The following L1TD1 variants were observed in gnomAD, a reference collection of about 807,000 sequenced individuals.
L1TD1 encodes LINE1 type transposase domain containing 1, also known as LINE-1 type transposase domain-containing protein 1.
A neutral mutation model predicts 25.7 loss-of-function variants in L1TD1; 26 were observed. That is an observed-to-expected ratio of 1.01 (90% CI 0.74 to 1.40). L1TD1 has a LOEUF of 1.40. Among genes scored for constraint, L1TD1 ranks in the 40% most tolerant of loss-of-function variants. The pLI is 0.00. For missense variants in L1TD1, 1,130 were observed against 975.0 expected (o/e 1.16, Z -2.12); for synonymous variants, 421 against 335.6 (o/e 1.25, Z -2.78).
Position 62,211,655 on chromosome 1 carries a change from G to T in L1TD1, c.*283G>T, listed in dbSNP as rs1340994812. On this transcript the variant is annotated 3_prime_UTR_variant, in exon 4 of 4. Transcript: ENST00000498273. Reference sequence around the variant, plus strand: ...CCCCCACCACCTCCCTACTGCAGTTGACTAGTCTTTTTAGAATTTATATTA... The same window carrying T: ...CCCCCACCACCTCCCTACTGCAGTTTACTAGTCTTTTTAGAATTTATATTA... 7.2e-6 allele frequency: 2 copies of T among 276,786 alleles called. No individual in the cohort carries two copies. Among genetic ancestry groups the T allele is most frequent in the Non-Finnish European group, 1.3e-5 (2 of 152,090 alleles). The allele number at this position is 276,786 out of a possible 1,614,324, so 17.1% of individuals were successfully genotyped here. A position where few individuals can be genotyped will look rare whatever the true frequency, so the allele number is the denominator to read the frequency against.
intron 2 of L1TD1, among the ~76,000 whole-genome samples, chr1:62,204,237 C>T (rs6684320): frequency 0.016 from 2,439 of 152,040 alleles, 59 homozygotes; most frequent in African/African-American, 0.056. Context: ...CTTTGATTTG[C>T]GCGCATCTCT....
intron 2 of L1TD1, among the ~76,000 whole-genome samples, chr1:62,205,807 C>T (rs1670734439): frequency 1.3e-5 from 2 of 152,244 alleles, no homozygotes; most frequent in South Asian, 4.1e-4. Flanking sequence ...TCACAGCTCA[C>T]TGCAGTCTTA....
chr1:62,206,979 G>GA lies in L1TD1; in HGVS notation c.355dup (p.Ile119AsnfsTer7), dbSNP rs1285463849. ...CATTACAAAAAACAGGGATGGTAGG[G>GA]AAAATAGAAGGAGAAAACTCTAAAA... is the stretch of plus-strand genomic sequence containing the variant. On this transcript the variant is annotated frameshift_variant, in exon 3 of 4. Transcript: ENST00000498273. LOFTEE classifies it high-confidence loss of function. 1.5e-5 allele frequency: 24 copies of GA among 1,613,008 alleles called. No homozygotes were observed. The highest frequency in any genetic ancestry group is 1.6e-5 in the Non-Finnish European group (19 of 1,179,790).
In L1TD1 at chr1:62,210,848, GAT is replaced by G. The variant is rs775264428; in HGVS notation, c.2078_2079del (p.Ile693ArgfsTer5). On this transcript the variant is annotated frameshift_variant, in exon 4 of 4. Transcript: ENST00000498273. LOFTEE classifies it low-confidence loss of function (END_TRUNC). ...KQIISKERQR[D>X]IEERSRSCNI... ...GATAATTAGTAAAGAAAGGCAAAGA[GAT>G]ATAGAGGAGAGATCTAGAAGTTGCA... 25 of 1,549,900 alleles carry G rather than the reference GAT, an allele frequency of 1.6e-5. No homozygotes were observed. Among genetic ancestry groups the G allele is most frequent in the Admixed American group, 5.9e-5 (3 of 50,580 alleles).
At position 62,210,679 on chromosome 1, in the gene L1TD1, G is replaced by T; in HGVS notation, c.1905G>T (p.Leu635Phe). 1.3e-6 allele frequency: 2 copies of T among 1,554,414 alleles called. No homozygotes were observed. The highest frequency in any genetic ancestry group is 2.4e-5 in the South Asian group (2 of 84,462). Residue 635 changes from leucine to phenylalanine, a missense_variant, in exon 4 of 4, where the codon TTG becomes TTT. By Grantham distance (22) the Leu-to-Phe change is conservative. Coordinates refer to ENST00000498273, the MANE Select transcript of L1TD1 (RefSeq NM_019079.5). ...IREIKEEIGN[L>F]KSSHSGVLEI... ...AGATAAAAGAGGAGATTGGAAATTT[G>T]AAAAGTTCCCATTCAGGTGTCTTGG... is the stretch of plus-strand genomic sequence containing the variant.
rs756508301 is a variant in L1TD1 at position 62,212,289 on chromosome 1, CATG to C, written c.*921_*923del. The C allele has an allele frequency of 6.7e-6, 1 of 148,454 alleles. No homozygotes were observed. The highest frequency in any genetic ancestry group is 1.5e-5 in the Non-Finnish European group (1 of 66,696). The allele number at this position is 148,454 out of a possible 1,614,324, so 9.2% of individuals were successfully genotyped here. ...TATTTCACAAGTTTGTATCATTTGTCATGATGTGACTCGAATATATTAAATCTT... is the reference window on the plus strand; with the variant it reads ...TATTTCACAAGTTTGTATCATTTGTCATGTGACTCGAATATATTAAATCTT... On this transcript the variant is annotated 3_prime_UTR_variant, in exon 4 of 4. Coordinates refer to ENST00000498273, the MANE Select transcript of L1TD1 (RefSeq NM_019079.5).
At chr1:62,202,746 C>A (rs1444951615) in intron 2 of L1TD1, among the ~76,000 whole-genome samples, 1 of 143,192 alleles carries the variant, frequency 7.0e-6, no homozygotes, top group Non-Finnish European at 1.5e-5. Flanking sequence ...GGCAATGGCA[C>A]GATCCCAGCT....
chr1:62,199,112 A>G (rs763590875), intron 2 of L1TD1, among the ~76,000 whole-genome samples: 57 of 152,304 alleles, frequency 3.7e-4, no homozygotes, highest in Non-Finnish European at 6.5e-4. Context: ...GTGCCTGGGT[A>G]GTGTCTGGCT....
At position 62,207,166 on chromosome 1, in the gene L1TD1, AAT is replaced by A; in HGVS notation, c.542_543del (p.Ile181ArgfsTer2). Reference sequence around the variant, plus strand: ...GGGAAGTATGGAAGAAACCTTATGCAATATAGATGACAGAGATGGAAATCGCA... The same window carrying A: ...GGGAAGTATGGAAGAAACCTTATGCAATAGATGACAGAGATGGAAATCGCA... ...VMGSMEETLC[N>X]IDDRDGNRNV... On this transcript the variant is annotated frameshift_variant, in exon 3 of 4. Transcript: ENST00000498273. LOFTEE classifies it high-confidence loss of function. 2 of 1,557,052 alleles carry A rather than the reference AAT, an allele frequency of 1.3e-6. No homozygotes were observed. Among genetic ancestry groups the A allele is most frequent in the Non-Finnish European group, 1.7e-6 (2 of 1,149,382 alleles).
chr1:62,211,227 G>C lies in L1TD1; in HGVS notation c.2453G>C (p.Gly818Ala), dbSNP rs1480439649. 3 of 1,566,350 alleles carry C rather than the reference G, an allele frequency of 1.9e-6. No homozygotes were observed. The highest frequency in any genetic ancestry group is 1.9e-5 in the Admixed American group (1 of 51,926). ...GTCTTCAAAGTTCTGCTGGAAAAAG[G>C]CTTTAATCCTAGAATCCTATATCCA... ...SNVFKVLLEK[G>A]FNPRILYPAK... The change falls in exon 4 of 4, where the codon GGC becomes GCC. Residue 818 changes from glycine (G) to alanine (A), a missense_variant. Gly to Ala is a moderately conservative substitution (Grantham distance 60). Coordinates refer to ENST00000498273, the MANE Select transcript of L1TD1 (RefSeq NM_019079.5).
In L1TD1 at chr1:62,207,030, C is replaced by A; in HGVS notation, c.402C>A (p.Thr134=). ...TAGGTGATGATAATGAAAATTTAACCTTTAAATTAGAAGTAAATGAGCTGA... is the reference window on the plus strand; with the variant it reads ...TAGGTGATGATAATGAAAATTTAACATTTAAATTAGAAGTAAATGAGCTGA... ...SKIGDDNENL[T]FKLEVNELSG... Residue 134 remains threonine (T), a synonymous_variant, in exon 3 of 4, where the codon ACC becomes ACA. Coordinates refer to ENST00000498273, the MANE Select transcript of L1TD1 (RefSeq NM_019079.5). The A allele has an allele frequency of 1.2e-6, 2 of 1,613,346 alleles. No homozygotes were observed. Among genetic ancestry groups the A allele is most frequent in the Middle Eastern group, 3.3e-4 (2 of 6,060 alleles).
chr1:62,202,669 A>ATTTTTTTT (rs35815437), intron 2 of L1TD1, among the ~76,000 whole-genome samples: 1 of 71,862 alleles, frequency 1.4e-5, no homozygotes, highest in Non-Finnish European at 2.5e-5. Flanking sequence ...CCAGGGTTTA[A>ATTTTTTTT]TTTTTTTTTT....
At chr1:62,205,725 C>T (rs1484325377) in intron 2 of L1TD1, among the ~76,000 whole-genome samples, 2 of 151,802 alleles carry the variant, frequency 1.3e-5, no homozygotes, top group Non-Finnish European at 2.9e-5. Flanking sequence ...GCCACTGTGC[C>T]TGCCTAACAA....
At position 62,206,959 on chromosome 1, in the gene L1TD1, C is replaced by T. The variant is rs376310235; in HGVS notation, c.331C>T (p.Gln111Ter). Residue 111 changes from glutamine (Q) to a stop codon, truncating the protein, a stop_gained, in exon 3 of 4, where the codon CAA (glutamine) becomes TAA (stop). Transcript: ENST00000498273. LOFTEE classifies it high-confidence loss of function. The stretch of plus-strand genomic sequence containing the variant: ...TCAGCAAATAATCAATTTAGCATTA[C>T]AAAAAACAGGGATGGTAGGGAAAAT... ...EFQQIINLAL[Q>*]KTGMVGKIEG... 1.9e-6 allele frequency: 3 copies of T among 1,612,776 alleles called. No homozygotes were observed. The highest frequency in any genetic ancestry group is 1.3e-5 in the African/African-American group (1 of 74,828).
rs1670729223 is a variant in L1TD1 at position 62,205,505 on chromosome 1, C to T, written c.-110-1014C>T. On this transcript the variant is annotated intron_variant, in intron 2 of 3. Coordinates refer to ENST00000498273, the MANE Select transcript of L1TD1 (RefSeq NM_019079.5). ...GCAGTTCAGTGGCTTGAACTTGGCT[C>T]ACTGAAACCTCTGCCTCCCAGGTTC... Among the ~76,000 whole-genome samples the T allele has an allele frequency of 2.1e-5, 3 of 145,080 alleles. No homozygotes were observed. The South Asian group carries it at 6.8e-4, about 33-fold the overall frequency.
At position 62,211,222 on chromosome 1, in the gene L1TD1, A is replaced by G; in HGVS notation, c.2448A>G (p.Glu816=). ...GCAATGTCTTCAAAGTTCTGCTGGA[A>G]AAAGGCTTTAATCCTAGAATCCTAT... is the stretch of plus-strand genomic sequence containing the variant. ...KWSNVFKVLL[E]KGFNPRILYP... is the part of the protein sequence containing the mutation. The change falls in exon 4 of 4, where the codon GAA becomes GAG. Residue 816 remains glutamate, a synonymous_variant. Coordinates refer to ENST00000498273, the MANE Select transcript of L1TD1 (RefSeq NM_019079.5). 6.4e-7 allele frequency: 1 copy of G among 1,562,550 alleles called. No individual in the cohort carries two copies. Among genetic ancestry groups the G allele is most frequent in the Non-Finnish European group, 8.7e-7 (1 of 1,152,746 alleles).
In L1TD1 at chr1:62,211,005, G is replaced by C. The variant is rs1670856872; in HGVS notation, c.2231G>C (p.Cys744Ser). ...TCAAGTCTTGAGATTGTCAGTGCTT[G>C]TCGAGTACCTAGTAAAATTGATGAA... Reference protein sequence around the residue: ...KGSSLEIVSACRVPSKIDEKR... With the variant: ...KGSSLEIVSASRVPSKIDEKR... The change falls in exon 4 of 4, where the codon TGT (cysteine) becomes TCT (serine). Residue 744 changes from cysteine (C) to serine (S), a missense_variant. Transcript: ENST00000498273. 7 of 1,546,440 alleles carry C rather than the reference G, an allele frequency of 4.5e-6. No homozygotes were observed. Among genetic ancestry groups the C allele is most frequent in the Non-Finnish European group, 6.1e-6 (7 of 1,145,854 alleles).
At chr1:62,196,048 AAAGT>A (rs1193164962) in intron 1 of L1TD1, among the ~76,000 whole-genome samples, 2 of 152,158 alleles carry the variant, frequency 1.3e-5, no homozygotes, top group South Asian at 2.1e-4. Context: ...AAAAAAAAAA[AAAGT>A]GTTTAATTAT....
At position 62,209,971 on chromosome 1, in the gene L1TD1, T is replaced by TA; in HGVS notation, c.1198dup (p.Thr400AsnfsTer29). 1.2e-6 allele frequency: 2 copies of TA among 1,608,746 alleles called. No individual in the cohort carries two copies. Among genetic ancestry groups the TA allele is most frequent in the Non-Finnish European group, 1.7e-6 (2 of 1,177,602 alleles). On this transcript the variant is annotated frameshift_variant, in exon 4 of 4. Coordinates refer to ENST00000498273, the MANE Select transcript of L1TD1 (RefSeq NM_019079.5). LOFTEE classifies it low-confidence loss of function (END_TRUNC). ...CCTCAGGGATGGAGGATGATGAAGA[T>TA]ACCTCAGGGCTGGAGGAGGAGGAGG...
Sources: allele counts gnomAD v4.1 joint callset (sites outside exome capture counted in the v4.1 genomes callset), GRCh38; gene constraint gnomAD v4.1.1; transcripts MANE v1.5; gene names NCBI Gene and HGNC (gene_info 2026-07-23, HGNC 2026-07-21).